The following GET4 variants were observed in gnomAD, a reference collection of about 807,000 sequenced individuals.
The protein encoded by GET4 is guided entry of tail-anchored proteins factor 4, also known as Golgi to ER traffic protein 4 homolog.
GET4 carries 20 observed loss-of-function variants against 40.0 expected under a neutral mutation model. That is an observed-to-expected ratio of 0.50 (90% CI 0.35 to 0.73). GET4 has a LOEUF of 0.73. GET4 is among the 30% of genes least tolerant of loss of function. The pLI is 0.01. For missense variants in GET4, 557 were observed against 454.0 expected (o/e 1.23, Z -2.06); for synonymous variants, 280 against 194.6 (o/e 1.44, Z -3.65).
chr7:892,230 A>C (rs371794171), intron 5 of GET4, 48 bp from the exon 6 acceptor site: 5 of 1,570,008 alleles, frequency 3.2e-6, no homozygotes, highest in African/African-American at 1.3e-5. Flanking sequence ...GTGCGGGCAG[A>C]AGCTGTGTCC....
intron 1 of GET4, 133 bp from the exon 2 acceptor site, chr7:885,923 C>T (rs1585493585): frequency 1.3e-5 from 9 of 679,344 alleles, no homozygotes; most frequent in East Asian, 1.3e-4. Context: ...AGCACCTGGG[C>T]CCTGGGAGCG....
chr7:879,633 C>T (rs1844043435), intron 1 of GET4, among the ~76,000 whole-genome samples: 1 of 152,192 alleles, frequency 6.6e-6, no homozygotes, highest in African/African-American at 2.4e-5. Flanking sequence ...TATAAATACA[C>T]ACCAGCCAGG....
chr7:890,625 G>A (rs1844299708), intron 4 of GET4, among the ~76,000 whole-genome samples: 1 of 152,126 alleles, frequency 6.6e-6, no homozygotes, highest in African/African-American at 2.4e-5. Context: ...AGGGTCACAT[G>A]GTAACACTAA....
intron 8 of GET4, 93 bp from the exon 9 acceptor site, chr7:895,241 T>C (rs1844451164): frequency 1.5e-6 from 1 of 666,968 alleles, no homozygotes; most frequent in East Asian, 2.7e-5. Flanking sequence ...CATGGGACAC[T>C]GGGACACCTT....
intron 1 of GET4, among the ~76,000 whole-genome samples, chr7:877,185 C>T (rs1843974589): frequency 7.6e-6 from 1 of 131,504 alleles, no homozygotes; most frequent in Non-Finnish European, 1.6e-5. Flanking sequence ...CCGCCTCCCC[C>T]GCCCCACCTT....
rs1844464119 is a variant in GET4 at position 895,580 on chromosome 7, G to A, written c.*158G>A. On this transcript the variant is annotated 3_prime_UTR_variant, in exon 9 of 9. Transcript: ENST00000265857. Reference sequence around the variant, plus strand: ...CTGTTTCTGTGCGGCGGCTCAGGGTGGCGCGGCTGCTGCTCACTGTGCTGC... The same window carrying A: ...CTGTTTCTGTGCGGCGGCTCAGGGTAGCGCGGCTGCTGCTCACTGTGCTGC... The A allele has an allele frequency of 2.2e-5, 11 of 502,056 alleles. No individual in the cohort carries two copies. In the South Asian group the frequency reaches 2.6e-4, roughly 12 times the overall value. The allele number at this position is 502,056 out of a possible 1,614,324, so 31.1% of individuals were successfully genotyped here.
At chr7:893,087 G>A (rs1490772043) in intron 6 of GET4, among the ~76,000 whole-genome samples, 1 of 148,840 alleles carries the variant, frequency 6.7e-6, no homozygotes. Flanking sequence ...CGAGTGTTGG[G>A]TGCGGGCGTG....
In GET4 at chr7:895,507, G is replaced by A; in HGVS notation, c.*85G>A. The A allele has an allele frequency of 1.5e-6, 1 of 658,930 alleles. No homozygotes were observed. Among genetic ancestry groups the A allele is most frequent in the East Asian group, 2.9e-5 (1 of 34,534 alleles). The allele number at this position is 658,930 out of a possible 1,614,324, so 40.8% of individuals were successfully genotyped here. On this transcript the variant is annotated 3_prime_UTR_variant, in exon 9 of 9. Transcript: ENST00000265857. ...CGAGTCCTGGGTGGCTCCTCGCCTT[G>A]GGGGCTCCTGGCCCTGAGGCTGGCG...
Position 895,629 on chromosome 7 carries a change from C to A in GET4, c.*207C>A, listed in dbSNP as rs969369234. On this transcript the variant is annotated 3_prime_UTR_variant, in exon 9 of 9. Coordinates refer to ENST00000265857, the MANE Select transcript of GET4 (RefSeq NM_015949.3). ...GCTGGGACCCAAGAGTGGGGCGTCG[C>A]CCCTGCTGGCCGCCGCGTCCCCCGA... 4.6e-6 allele frequency: 2 copies of A among 430,720 alleles called. No individual in the cohort carries two copies. The highest frequency in any genetic ancestry group is 7.4e-5 in the East Asian group (2 of 26,856). The allele number at this position is 430,720 out of a possible 1,614,324, so 26.7% of individuals were successfully genotyped here.
rs555464671 is a variant in GET4 at position 895,199 on chromosome 7, A to T, written c.896-135A>T. 6.7e-5 allele frequency: 36 copies of T among 537,184 alleles called. No homozygotes were observed. The East Asian group carries it at 1.1e-3, about 16-fold the overall frequency. 33.3% of individuals were successfully genotyped at this position (537,184 alleles called of 1,614,324 possible). ...TCCTGTCCCGGGGTTCCTGGGTCGTAGACAGTAGCGATGTGAGGCTTTTGC... is the reference window on the plus strand; with the variant it reads ...TCCTGTCCCGGGGTTCCTGGGTCGTTGACAGTAGCGATGTGAGGCTTTTGC... On this transcript the variant is annotated intron_variant, in intron 8 of 8. Transcript: ENST00000265857.
At chr7:892,173 A>T in intron 5 of GET4, 105 bp from the exon 6 acceptor site, 1 of 1,189,568 alleles carries the variant, frequency 8.4e-7, no homozygotes, top group Non-Finnish European at 1.2e-6. Context: ...GGCCGCAGGA[A>T]CCGTGGGCGC....
intron 1 of GET4, among the ~76,000 whole-genome samples, chr7:877,565 G>A (rs570005748): frequency 1.7e-5 from 2 of 114,360 alleles, no homozygotes; most frequent in Non-Finnish European, 1.8e-5. Context: ...CACTGTCCTC[G>A]TCCCTTTCGG....
At chr7:892,248 C>G in intron 5 of GET4, 30 bp from the exon 6 acceptor site, 1 of 1,582,426 alleles carries the variant, frequency 6.3e-7, no homozygotes, top group Non-Finnish European at 8.7e-7. Context: ...TCCTCCAGCC[C>G]TTCCACCACC....
chr7:879,693 C>G (rs1026635243), intron 1 of GET4: 1 of 152,234 alleles, frequency 6.6e-6, no homozygotes, highest in Non-Finnish European at 1.5e-5. Flanking sequence ...TCTTTGAAAA[C>G]TGAGCTGTTT....
Position 893,818 on chromosome 7 carries a change from G to A in GET4, c.822+3G>A. The A allele has an allele frequency of 6.2e-7, 1 of 1,609,940 alleles. No homozygotes were observed. Among genetic ancestry groups the A allele is most frequent in the Non-Finnish European group, 8.5e-7 (1 of 1,176,706 alleles). ...GGCGGGACCCCATGTACAACGAGGT[G>A]AGAGCTTGGGGCTGGGGAGGGAGGA... On this transcript the variant is annotated splice_donor_region_variant and intron_variant, in intron 7 of 8. Coordinates refer to ENST00000265857, the MANE Select transcript of GET4 (RefSeq NM_015949.3).
Position 893,880 on chromosome 7 carries a change from C to A in GET4, c.823-19C>A, listed in dbSNP as rs753954736. 13 of 1,612,130 alleles carry A rather than the reference C, an allele frequency of 8.1e-6. No individual in the cohort carries two copies. In the South Asian group the frequency reaches 9.9e-5, roughly 12 times the overall value. On this transcript the variant is annotated intron_variant, in intron 7 of 8. Transcript: ENST00000265857. ...GGTCTGGGTCCACCCCCTCTGAGCC[C>A]GCTGCCTGTGCCTTGCAGTACCTCG...
rs761287942 is a variant in GET4 at position 892,260 on chromosome 7, G to C, written c.606-18G>C. The C allele has an allele frequency of 1.3e-6, 2 of 1,584,584 alleles. No individual in the cohort carries two copies. The highest frequency in any genetic ancestry group is 1.7e-6 in the Non-Finnish European group (2 of 1,155,358). ...GTGTCCTCCAGCCCTTCCACCACCA[G>C]CATGTTCTCATTTCCAGGTTTCTCT... On this transcript the variant is annotated intron_variant, in intron 5 of 8. Coordinates refer to ENST00000265857, the MANE Select transcript of GET4 (RefSeq NM_015949.3).
In GET4 at chr7:895,410, C is replaced by G. The variant is rs149356228; in HGVS notation, c.972C>G (p.Ile324Met). The G allele has an allele frequency of 1.9e-6, 3 of 1,572,922 alleles. No individual in the cohort carries two copies. The highest frequency in any genetic ancestry group is 1.4e-5 in the African/African-American group (1 of 73,992). Reference sequence around the variant, plus strand: ...AGAGCCCCAGCGACGGCAGCCCCATCGAGCTGGACTGAACTGGCCAGGCCA... The same window carrying G: ...AGAGCCCCAGCGACGGCAGCCCCATGGAGCTGGACTGAACTGGCCAGGCCA... ...GEESPSDGSP[I>M]ELD Residue 324 changes from isoleucine (I) to methionine (M), a missense_variant, in exon 9 of 9, where the codon ATC (isoleucine) becomes ATG (methionine). Ile to Met is a conservative substitution (Grantham distance 10, BLOSUM62 1). Coordinates refer to ENST00000265857, the MANE Select transcript of GET4 (RefSeq NM_015949.3).
chr7:886,582 C>G lies in GET4; in HGVS notation c.248C>G (p.Ala83Gly), dbSNP rs567352336. Reference protein sequence around the residue: ...FFSHGQQNSAADLSMLVLESL... With the variant: ...FFSHGQQNSAGDLSMLVLESL... ...TTTCTCTTGTAGCAAAACAGTGCAG[C>G]AGACTTGTCCATGCTGGTCCTGGAG... Residue 83 changes from alanine (A) to glycine (G), a missense_variant, in exon 3 of 9, where the codon GCA (alanine) becomes GGA (glycine). By Grantham distance (60) the Ala-to-Gly change is moderately conservative (BLOSUM62 0). Transcript: ENST00000265857. The G allele has an allele frequency of 3.1e-6, 5 of 1,612,138 alleles. No individual in the cohort carries two copies. In the Admixed American group the frequency reaches 8.3e-5, roughly 27 times the overall value.
Sources: allele counts gnomAD v4.1 joint callset (sites outside exome capture counted in the v4.1 genomes callset), GRCh38; gene constraint gnomAD v4.1.1; transcripts MANE v1.5; gene names NCBI Gene and HGNC (gene_info 2026-07-23, HGNC 2026-07-21).